The following MYO18A variants were observed in gnomAD, a reference collection of about 807,000 sequenced individuals.
MYO18A encodes myosin XVIIIA.
A neutral mutation model predicts 235.8 loss-of-function variants in MYO18A; 78 were observed. The ratio of observed to expected loss-of-function variants is 0.33; its 90% CI spans 0.28 to 0.40. The LOEUF is 0.40. MYO18A is among the 10% of genes least tolerant of loss of function. The pLI, the probability that MYO18A is intolerant of heterozygous loss-of-function variation, is 1.00. For synonymous variants in MYO18A, 977 were observed against 1,077.8 expected (o/e 0.91, Z 1.83); for missense variants, 2,215 against 2,699.3 (o/e 0.82, Z 3.98).
intron 20 of MYO18A, among the ~76,000 whole-genome samples, chr17:29,105,884 AAGCAAGGAGTGCAGACACCCAG>A (rs1489017354): frequency 1.3e-5 from 2 of 152,118 alleles, no homozygotes; most frequent in Non-Finnish European, 2.9e-5. Context: ...TGGGAGCCCA[AAGCAAGGAGTGCAGACACCCAG>A]AGGCTGGCGC....
chr17:29,095,421 A>G (rs1327212350), intron 28 of MYO18A, among the ~76,000 whole-genome samples: 1 of 152,220 alleles, frequency 6.6e-6, no homozygotes, highest in South Asian at 2.1e-4. Flanking sequence ...AAAAGGATAG[A>G]GATGAGCACC....
rs115083091 is a variant in MYO18A at position 29,101,627 on chromosome 17, T to C, written c.3508-1865A>G. 4.7e-3 allele frequency among the ~76,000 whole-genome samples: 719 copies of C among 151,414 alleles called. 6 individuals are homozygous for C. Among genetic ancestry groups the C allele is most frequent in the African/African-American group, 0.016 (650 of 41,520 alleles). On this transcript the variant is annotated intron_variant, in intron 21 of 41. Transcript: ENST00000527372. ...TGGCCCCCAGCTGCTTAATTTCATA[T>C]AATGTGCAAGCCTGAAATCCTGCTG... is the stretch of plus-strand genomic sequence containing the variant.
chr17:29,112,896 A>G (rs16964813), intron 15 of MYO18A, among the ~76,000 whole-genome samples: 24,160 of 152,268 alleles, frequency 0.16, 1,974 homozygotes, highest in East Asian at 0.29. Flanking sequence ...GGAACCGAGT[A>G]GCAGGAACGA....
intron 36 of MYO18A, 39 bp from the exon 37 acceptor site, chr17:29,090,137 C>A: frequency 1.3e-6 from 2 of 1,595,644 alleles, no homozygotes; most frequent in Middle Eastern, 3.3e-4. Context: ...AGAACTGAGC[C>A]CAGAAAGGGA....
rs545756929 is a variant in MYO18A, at chr17:29,152,774, T to G, written c.999+13168A>C. ...TCTCATTCTGTCACTCAGGTTGGAG[T>G]GCAGTGGTGTGATCATGGCTCACTG... On this transcript the variant is annotated intron_variant, in intron 2 of 41. Coordinates refer to ENST00000527372, the MANE Select transcript of MYO18A (RefSeq NM_078471.4). 5.5e-4 allele frequency among the ~76,000 whole-genome samples: 83 copies of G among 152,156 alleles called. 1 individual carries two copies. In the South Asian group the frequency reaches 0.015, roughly 27 times the overall value.
chr17:29,103,469 G>T, intron 21 of MYO18A, 130 bp downstream of exon 21: 1 of 898,292 alleles, frequency 1.1e-6, no homozygotes, highest in Non-Finnish European at 1.7e-6. Flanking sequence ...GGTGGAGCTG[G>T]GGGCAAGACT....
In MYO18A at chr17:29,073,804, T is replaced by G; in HGVS notation, c.*966A>C. 16 of 1,539,364 alleles carry G rather than the reference T, an allele frequency of 1.0e-5. No homozygotes were observed. The highest frequency in any genetic ancestry group is 1.4e-5 in the African/African-American group (1 of 73,612). Reference sequence around the variant, plus strand: ...ACACAGAGTGAGGACTCATGTCTAATGAGCACCGGCCAAAACTTCCATCTT... The same window carrying G: ...ACACAGAGTGAGGACTCATGTCTAAGGAGCACCGGCCAAAACTTCCATCTT... On this transcript the variant is annotated 3_prime_UTR_variant, in exon 42 of 42. Transcript: ENST00000527372.
intron 21 of MYO18A, 118 bp downstream of exon 21, chr17:29,103,481 A>G: frequency 9.8e-7 from 1 of 1,024,468 alleles, no homozygotes; most frequent in Admixed American, 2.0e-5. Flanking sequence ...GGCAAGACTC[A>G]GAGGGCACCA....
chr17:29,085,803 A>G (rs1276518020), intron 39 of MYO18A, among the ~76,000 whole-genome samples, 155 bp from the exon 40 acceptor site: 2 of 152,138 alleles, frequency 1.3e-5, no homozygotes, highest in Admixed American at 1.3e-4. Flanking sequence ...GCGTGATGGC[A>G]CTGTCCTCAA....
At chr17:29,162,821 A>G (rs1162302672) in intron 2 of MYO18A, among the ~76,000 whole-genome samples, 1 of 151,960 alleles carries the variant, frequency 6.6e-6, no homozygotes, top group African/African-American at 2.4e-5. Context: ...CCACAAATCT[A>G]CCCTACCACT....
intron 21 of MYO18A, among the ~76,000 whole-genome samples, chr17:29,101,759 A>G (rs1027253035): frequency 2.6e-5 from 4 of 152,208 alleles, no homozygotes; most frequent in Admixed American, 6.5e-5. Context: ...GGGGGTGGAT[A>G]ATGGCTCAGA....
intron 1 of MYO18A, among the ~76,000 whole-genome samples, chr17:29,173,954 T>C (rs761498270): frequency 2.4e-4 from 37 of 151,920 alleles, no homozygotes; most frequent in Admixed American, 9.8e-4. Flanking sequence ...TAAAAATTGT[T>C]TTAGAGACAG....
At chr17:29,115,592 C>T (rs756592238) in intron 12 of MYO18A, 72 bp downstream of exon 12, 42 of 1,502,300 alleles carry the variant, frequency 2.8e-5, no homozygotes, top group African/African-American at 5.6e-5. Context: ...AGTCCCCTCC[C>T]GCCCCAGGGA....
Position 29,096,935 on chromosome 17 carries a change from G to T in MYO18A, c.4231-20C>A. On this transcript the variant is annotated intron_variant, in intron 27 of 41. Transcript: ENST00000527372. The stretch of plus-strand genomic sequence containing the variant: ...CCCGAGCTAGGGGCCAAGATGGGGT[G>T]CATATACAGAGAGACCCAGAAGCAT... 1 of 1,537,450 alleles carries T rather than the reference G, an allele frequency of 6.5e-7. No homozygotes were observed.
intron 28 of MYO18A, among the ~76,000 whole-genome samples, chr17:29,096,258 C>T (rs927253169): frequency 6.6e-6 from 1 of 152,204 alleles, no homozygotes; most frequent in South Asian, 2.1e-4. Flanking sequence ...CTAATGAAGA[C>T]GTCCCATCCT....
chr17:29,104,908 C>G (rs928253296), intron 20 of MYO18A, among the ~76,000 whole-genome samples: 2 of 151,980 alleles, frequency 1.3e-5, no homozygotes, highest in South Asian at 4.2e-4. Flanking sequence ...GGGCCAGGCG[C>G]GGTGGCTCAC....
chr17:29,139,767 C>A (rs73988921), intron 2 of MYO18A, among the ~76,000 whole-genome samples: 1 of 152,110 alleles, frequency 6.6e-6, no homozygotes, highest in African/African-American at 2.4e-5. Context: ...GCCATCTGTG[C>A]CCCTTGCAAG....
rs533476118 is a variant in MYO18A at position 29,156,750 on chromosome 17, TG to T, written c.999+9191del. ...CATCTTGTGAATGCTATGAGAAGGC[TG>T]GGGTGTTGCCAGGTGGGGACCTGAC... On this transcript the variant is annotated intron_variant, in intron 2 of 41. Transcript: ENST00000527372. 3.5e-3 allele frequency among the ~76,000 whole-genome samples: 538 copies of T among 152,288 alleles called. 5 individuals carry two copies. Among genetic ancestry groups the T allele is most frequent in the East Asian group, 8.3e-3 (43 of 5,180 alleles).
At position 29,121,026 on chromosome 17, in the gene MYO18A, C is replaced by G. The variant is rs371274080; in HGVS notation, c.1557G>C (p.Ala519=). The change falls in exon 6 of 42, where the codon GCG becomes GCC. Residue 519 remains alanine, a synonymous_variant. Transcript: ENST00000527372. This position sits in a 1 kb window ranked among gnomAD's most constrained non-coding sequence, Gnocchi z 4.2. ...QHLVQYLATI[A]GISGNKVFSV... ...AAAACACCTTGTTCCCGCTGATGCC[C>G]GCGATGGTGGCCAGGTACTGCACCA... 3.1e-6 allele frequency: 5 copies of G among 1,612,370 alleles called. No individual in the cohort carries two copies. Among genetic ancestry groups the G allele is most frequent in the Non-Finnish European group, 4.2e-6 (5 of 1,179,318 alleles).
Sources: gnomAD v4.1 joint callset for allele counts (sites outside exome capture counted in the v4.1 genomes callset) on GRCh38, gnomAD v4.1.1 for gene constraint, Gnocchi (gnomAD v3.1) non-coding constraint, MANE v1.5 for transcripts, NCBI Gene and HGNC (gene_info 2026-07-23, HGNC 2026-07-21) for gene names.